Variants in RNF41 observed in about 807,000 individuals in gnomAD.
RNF41 encodes E3 ubiquitin-protein ligase NRDP1.
A neutral mutation model predicts 33.0 loss-of-function variants in RNF41; 4 were observed. That is an observed-to-expected ratio of 0.12 (90% CI 0.06 to 0.28). The LOEUF (loss-of-function observed/expected upper bound fraction) is 0.28. Among genes scored for constraint, RNF41 ranks in the 10% least tolerant of loss-of-function variants. The probability of loss-of-function intolerance (pLI) is 1.00; values close to 1 mark genes in which losing one functional copy is unlikely to be tolerated. For missense variants in RNF41, 228 were observed against 432.6 expected, an observed-to-expected ratio of 0.53 and a Z score of 4.19; for synonymous variants, 164 against 153.2, an observed-to-expected ratio of 1.07 and a Z score of -0.52.
chr12:56,216,185 T>C (rs1360741143), intron 2 of RNF41, among the ~76,000 whole-genome samples: 1 of 149,632 alleles, frequency 6.7e-6, no homozygotes, highest in Non-Finnish European at 1.5e-5. Flanking sequence ...TTGAGCCCAA[T>C]GAGTACATAG....
At chr12:56,219,747 G>A (rs1869207323) in intron 1 of RNF41, among the ~76,000 whole-genome samples, 1 of 151,110 alleles carries the variant, frequency 6.6e-6, no homozygotes, top group African/African-American at 2.4e-5. Flanking sequence ...GGACGCAGTG[G>A]CTCACACCCG....
chr12:56,220,471 C>G (rs901955101), intron 1 of RNF41, among the ~76,000 whole-genome samples: 18 of 152,114 alleles, frequency 1.2e-4, no homozygotes, highest in African/African-American at 1.7e-4. Context: ...CCCGCCTCGT[C>G]CTCCCAAAGT....
At position 56,210,689 on chromosome 12, in the gene RNF41, C is replaced by T. The variant is rs7975405; in HGVS notation, c.91-121G>A. ...AGCAGCCTCTACGACAAGAGGTCCA[C>T]TGGGTCACAGCAAAGTATAGATCTA... On this transcript the variant is annotated intron_variant, in intron 3 of 6. Coordinates refer to ENST00000345093, the MANE Select transcript of RNF41 (RefSeq NM_005785.4). The T allele has an allele frequency of 0.011, 10,029 of 909,610 alleles. 545 individuals carry two copies. The African/African-American group carries it at 0.13, about 12-fold the overall frequency. 56.3% of individuals were successfully genotyped at this position (909,610 alleles called of 1,614,324 possible).
At position 56,210,287 on chromosome 12, in the gene RNF41, C is replaced by G. The variant is rs1420847429; in HGVS notation, c.362+10G>C. On this transcript the variant is annotated intron_variant, in intron 4 of 6. Coordinates refer to ENST00000345093, the MANE Select transcript of RNF41 (RefSeq NM_005785.4). ...CTTATCCATGTGGGGCAGAAGGGAA[C>G]AAATCTCACCCACAGCCCTGTTCAC... The G allele has an allele frequency of 6.2e-7, 1 of 1,609,056 alleles. No homozygotes were observed. Among genetic ancestry groups the G allele is most frequent in the Admixed American group, 1.7e-5 (1 of 59,940 alleles).
At position 56,205,026 on chromosome 12, in the gene RNF41, G is replaced by T. The variant is rs1878780911; in HGVS notation, c.*1421C>A. The T allele has an allele frequency of 6.6e-6, 1 of 152,238 alleles. No individual in the cohort carries two copies. The highest frequency in any genetic ancestry group is 2.1e-4 in the South Asian group (1 of 4,826). 9.4% of individuals were successfully genotyped at this position (152,238 alleles called of 1,614,324 possible). A position where few individuals can be genotyped will look rare whatever the true frequency, so the allele number is the denominator to read the frequency against. On this transcript the variant is annotated 3_prime_UTR_variant, in exon 7 of 7. Coordinates refer to ENST00000345093, the MANE Select transcript of RNF41 (RefSeq NM_005785.4). ...CCTGAAATGGAACTGAAGTCCCCAGGGGGGTGTGGGTGAGACACGGCACAG... is the reference window on the plus strand; with the variant it reads ...CCTGAAATGGAACTGAAGTCCCCAGTGGGGTGTGGGTGAGACACGGCACAG...
At chr12:56,218,638 G>A (rs1306597127) in intron 1 of RNF41, among the ~76,000 whole-genome samples, 4 of 151,308 alleles carry the variant, frequency 2.6e-5, no homozygotes, top group Non-Finnish European at 5.9e-5. Context: ...GTCAAGTAGG[G>A]AAAATGATAC....
intron 1 of RNF41, among the ~76,000 whole-genome samples, chr12:56,220,708 G>A (rs1204993188): frequency 3.3e-5 from 5 of 150,806 alleles, no homozygotes; most frequent in Admixed American, 2.0e-4. Context: ...TCCAGCGTGG[G>A]TGACAGAGTG....
At chr12:56,219,665 G>GCA (rs1565947284) in intron 1 of RNF41, among the ~76,000 whole-genome samples, 1,249 of 7,904 alleles carry the variant, frequency 0.16, 7 homozygotes, top group Middle Eastern at 0.5. Context: ...GTATATATGT[G>GCA]TATATACACG....
chr12:56,211,174 GA>G (rs61231496), intron 3 of RNF41, among the ~76,000 whole-genome samples: 4,868 of 146,822 alleles, frequency 0.033, 265 homozygotes, highest in African/African-American at 0.11. Flanking sequence ...AATACATCTC[GA>G]AAAAAAAAAG....
chr12:56,202,902 G>A lies in RNF41; in HGVS notation c.*3545C>T, dbSNP rs1323330670. 1 of 152,138 alleles carries A rather than the reference G, an allele frequency of 6.6e-6. No homozygotes were observed. The highest frequency in any genetic ancestry group is 1.5e-5 in the Non-Finnish European group (1 of 68,032). The allele number at this position is 152,138 out of a possible 1,614,324, so 9.4% of individuals were successfully genotyped here. Reference sequence around the variant, plus strand: ...TAACATTCACAAGAATGAGCAGCAAGTTCTAAAAGTAATTTTAAAGGAGTT... The same window carrying A: ...TAACATTCACAAGAATGAGCAGCAAATTCTAAAAGTAATTTTAAAGGAGTT... On this transcript the variant is annotated 3_prime_UTR_variant, in exon 7 of 7. Transcript: ENST00000345093.
chr12:56,208,133 A>G, intron 5 of RNF41, 30 bp downstream of exon 5: 1 of 1,613,878 alleles, frequency 6.2e-7, no homozygotes, highest in Non-Finnish European at 8.5e-7. Flanking sequence ...CATATGAGGG[A>G]TATGTTCTCC....
intron 1 of RNF41, among the ~76,000 whole-genome samples, chr12:56,219,668 T>TACACACACACAC (rs375047200): frequency 0.85 from 127,400 of 150,478 alleles, 55,359 homozygotes; most frequent in East Asian, 0.97. Flanking sequence ...TATATGTGTA[T>TACACACACACAC]ATACACGCGC....
intron 2 of RNF41, among the ~76,000 whole-genome samples, chr12:56,215,888 G>A (rs1488557658): frequency 4.6e-5 from 7 of 151,878 alleles, no homozygotes; most frequent in Admixed American, 1.3e-4. Flanking sequence ...TTGGGAGGCC[G>A]AGGTGGGTGG....
chr12:56,209,647 C>T (rs1024065735), intron 4 of RNF41, among the ~76,000 whole-genome samples: 15 of 152,032 alleles, frequency 9.9e-5, no homozygotes, highest in Admixed American at 3.9e-4. Flanking sequence ...TTAGTAGAGA[C>T]GGGGTTTCAA....
intron 1 of RNF41, among the ~76,000 whole-genome samples, chr12:56,220,607 A>G (rs1424732763): frequency 1.3e-5 from 2 of 151,660 alleles, no homozygotes; most frequent in Non-Finnish European, 2.9e-5. Context: ...GGTGGCAGGT[A>G]CCTGTAATCC....
intron 3 of RNF41, among the ~76,000 whole-genome samples, chr12:56,211,837 T>A (rs1242092512): frequency 6.6e-6 from 1 of 152,130 alleles, no homozygotes; most frequent in Non-Finnish European, 1.5e-5. Context: ...CCGGGCGTGG[T>A]GGCGGGTGCC....
At position 56,210,586 on chromosome 12, in the gene RNF41, G is replaced by C; in HGVS notation, c.91-18C>G. The C allele has an allele frequency of 6.2e-7, 1 of 1,606,732 alleles. No homozygotes were observed. The highest frequency in any genetic ancestry group is 1.3e-5 in the African/African-American group (1 of 74,954). On this transcript the variant is annotated intron_variant, in intron 3 of 6. Coordinates refer to ENST00000345093, the MANE Select transcript of RNF41 (RefSeq NM_005785.4). ...TGAGGTGCCTAGAAGAGAGAACAAG[G>C]CAAAAGGGGCGCAAGGGAATTAGCA...
rs1449060119 is a variant in RNF41 at position 56,210,414 on chromosome 12, G to A, written c.245C>T (p.Ala82Val). 1.9e-6 allele frequency: 3 copies of A among 1,614,192 alleles called. No individual in the cohort carries two copies. The highest frequency in any genetic ancestry group is 2.2e-5 in the South Asian group (2 of 91,088). ...MRNMLSKLQI[A>V]CDNAVFGCSA... ...ACAGCCGAACACAGCGTTGTCACAG[G>A]CAATCTGCAGCTTTGACAACATGTT... Residue 82 changes from alanine (A) to valine (V), a missense_variant, in exon 4 of 7, where the codon GCC (alanine) becomes GTC (valine). Physicochemically the swap from Ala to Val is moderately conservative, Grantham distance 64. Transcript: ENST00000345093.
chr12:56,207,669 T>C lies in RNF41; in HGVS notation c.579A>G (p.Thr193=). The change falls in exon 6 of 7, where the codon ACA becomes ACG. Residue 193 remains threonine, a synonymous_variant. Transcript: ENST00000345093. ...ACTCTAGGATCTCGTTGTATTCAATTGTCTCCTCCAGGTTCTGAAGGTTGG... is the reference window on the plus strand; with the variant it reads ...ACTCTAGGATCTCGTTGTATTCAATCGTCTCCTCCAGGTTCTGAAGGTTGG... ...VNPNLQNLEE[T]IEYNEILEWV... The C allele has an allele frequency of 6.2e-7, 1 of 1,613,398 alleles. No homozygotes were observed. The highest frequency in any genetic ancestry group is 8.5e-7 in the Non-Finnish European group (1 of 1,179,292).
Sources: gnomAD v4.1 joint callset for allele counts (sites outside exome capture counted in the v4.1 genomes callset) on GRCh38, gnomAD v4.1.1 for gene constraint, MANE v1.5 for transcripts, NCBI Gene and HGNC (gene_info 2026-07-23, HGNC 2026-07-21) for gene names.